CTIF: variants seen among roughly 807,000 people sequenced by gnomAD.
CTIF encodes the protein cap binding complex dependent translation initiation factor.
CTIF carries 21 observed loss-of-function variants against 66.0 expected under a neutral mutation model. The observed-to-expected ratio is 0.32, with a 90% CI of 0.23 to 0.46. The LOEUF is 0.46. Among genes scored for constraint, CTIF ranks in the 20% least tolerant of loss-of-function variants. The pLI, the probability that CTIF is intolerant of heterozygous loss-of-function variation, is 1.00. For synonymous variants in CTIF, 345 were observed against 326.4 expected (o/e 1.06, Z -0.62); for missense variants, 739 against 812.7 (o/e 0.91, Z 1.10).
At chr18:48,831,565 G>A (rs541009830) in intron 10 of CTIF, among the ~76,000 whole-genome samples, 3 of 152,286 alleles carry the variant, frequency 2.0e-5, no homozygotes, top group Admixed American at 2.0e-4. Context: ...GGAGTGGGTG[G>A]GAAAGGACAC....
At chr18:48,793,423 T>C (rs922364661) in intron 9 of CTIF, among the ~76,000 whole-genome samples, 4 of 152,214 alleles carry the variant, frequency 2.6e-5, no homozygotes, top group African/African-American at 9.7e-5. Context: ...TCCCTGTGGC[T>C]TTATATAACT....
intron 3 of CTIF, among the ~76,000 whole-genome samples, chr18:48,642,893 C>G (rs1404808348): frequency 1.3e-5 from 2 of 152,168 alleles, no homozygotes; most frequent in South Asian, 4.1e-4. Flanking sequence ...GTTCAGTGCT[C>G]CAGCCTAGAT....
intron 10 of CTIF, among the ~76,000 whole-genome samples, chr18:48,838,501 C>G (rs192807872): frequency 2.6e-5 from 4 of 152,292 alleles, no homozygotes; most frequent in Admixed American, 2.6e-4. Flanking sequence ...TGTCCGCCCC[C>G]CTGAAACGAG....
chr18:48,586,778 G>A (rs1599191016), intron 1 of CTIF, among the ~76,000 whole-genome samples: 1 of 152,024 alleles, frequency 6.6e-6, no homozygotes, highest in Non-Finnish European at 1.5e-5. Flanking sequence ...TACCTCCTTA[G>A]TTTCCAGTTT....
chr18:48,723,186 G>A (rs2092356473), intron 7 of CTIF, among the ~76,000 whole-genome samples: 3 of 152,122 alleles, frequency 2.0e-5, no homozygotes, highest in Admixed American at 2.0e-4. Context: ...CGTCTGCTGG[G>A]CCCCTCCCTG....
At chr18:48,750,913 T>C (rs1907746514) in intron 7 of CTIF, among the ~76,000 whole-genome samples, 1 of 152,252 alleles carries the variant, frequency 6.6e-6, no homozygotes. Context: ...GTGTGGTGGC[T>C]GAGGGCACAC....
intron 6 of CTIF, among the ~76,000 whole-genome samples, chr18:48,693,724 C>T (rs140248961): frequency 1.3e-5 from 2 of 152,264 alleles, no homozygotes; most frequent in East Asian, 1.9e-4. Flanking sequence ...AAGGGTCTAT[C>T]GGCCATGATC....
intron 3 of CTIF, among the ~76,000 whole-genome samples, chr18:48,648,300 T>C (rs1160714768): frequency 6.6e-6 from 1 of 152,088 alleles, no homozygotes; most frequent in East Asian, 1.9e-4. Flanking sequence ...CAGACACAGA[T>C]GTCCCAGCAT....
intron 10 of CTIF, among the ~76,000 whole-genome samples, chr18:48,836,550 C>T (rs2068814717): frequency 6.6e-6 from 1 of 152,190 alleles, no homozygotes; most frequent in Non-Finnish European, 1.5e-5. Flanking sequence ...CCAACCAACC[C>T]CATCACTTCA....
In CTIF at chr18:48,734,687, T is replaced by C. The variant is rs141349088; in HGVS notation, c.584+22992T>C. Among the ~76,000 whole-genome samples the C allele has an allele frequency of 5.2e-3, 797 of 152,300 alleles. 3 individuals are homozygous for C. The highest frequency in any genetic ancestry group is 0.018 in the African/African-American group (754 of 41,560). On this transcript the variant is annotated intron_variant, in intron 7 of 11. Transcript: ENST00000256413. The stretch of plus-strand genomic sequence containing the variant: ...GAAGACTTCCAAGAGGCTGAATCAC[T>C]TTGCAGTGTTGACCTCACCCACCTC...
intron 3 of CTIF, among the ~76,000 whole-genome samples, chr18:48,654,091 A>C (rs918572054): frequency 6.6e-6 from 1 of 152,248 alleles, no homozygotes; most frequent in Non-Finnish European, 1.5e-5. Context: ...CTAAAACACC[A>C]AAAGTGATGG....
At chr18:48,710,781 G>A (rs1157252834) in intron 6 of CTIF, among the ~76,000 whole-genome samples, 1 of 152,134 alleles carries the variant, frequency 6.6e-6, no homozygotes, top group African/African-American at 2.4e-5. Flanking sequence ...AAAGGAGCCT[G>A]GGCAACAAAG....
rs2069419081 is a variant in CTIF, at chr18:48,859,763, A to G, written c.*204A>G. On this transcript the variant is annotated 3_prime_UTR_variant, in exon 12 of 12. Transcript: ENST00000256413. The stretch of plus-strand genomic sequence containing the variant: ...GCCCCCGCACAAGCCCCCCAGCCCG[A>G]GCATGCAAGCTCACACCAATAAGGG... 1.4e-6 allele frequency: 1 copy of G among 698,004 alleles called. No homozygotes were observed. The highest frequency in any genetic ancestry group is 2.6e-6 in the Non-Finnish European group (1 of 382,552). The allele number at this position is 698,004 out of a possible 1,614,324, so 43.2% of individuals were successfully genotyped here.
intron 6 of CTIF, among the ~76,000 whole-genome samples, chr18:48,678,983 TTGTGCCACAGCCACTTGC>T (rs1385785845): frequency 6.6e-6 from 1 of 152,246 alleles, no homozygotes; most frequent in African/African-American, 2.4e-5. Context: ...GTGACTGCAT[TTGTGCCACAGCCACTTGC>T]TGTGTGGACC....
intron 9 of CTIF, among the ~76,000 whole-genome samples, chr18:48,794,669 A>G (rs754842516): frequency 6.6e-6 from 1 of 152,172 alleles, no homozygotes; most frequent in East Asian, 1.9e-4. Flanking sequence ...ACCACCCAGG[A>G]TGATTGAAGG....
Position 48,568,529 on chromosome 18 carries a change from C to T in CTIF, c.-29+29217C>T, listed in dbSNP as rs531440479. On this transcript the variant is annotated intron_variant, in intron 1 of 11. Transcript: ENST00000256413. ...CTTAAACAATGAACATTTATTTTCT[C>T]ATAATTCTGGAAGTTGGATGTCCAA... Among the ~76,000 whole-genome samples the T allele has an allele frequency of 3.4e-5, 5 of 146,896 alleles. No individual in the cohort carries two copies. In the South Asian group the frequency reaches 8.6e-4, roughly 25 times the overall value.
intron 9 of CTIF, among the ~76,000 whole-genome samples, chr18:48,781,507 C>T (rs1015261153): frequency 6.6e-6 from 1 of 152,130 alleles, no homozygotes; most frequent in Non-Finnish European, 1.5e-5. Flanking sequence ...GATAACAGCC[C>T]GTTCTCTGTG....
At chr18:48,652,002 C>T (rs1394339317) in intron 3 of CTIF, among the ~76,000 whole-genome samples, 1 of 152,138 alleles carries the variant, frequency 6.6e-6, no homozygotes, top group African/African-American at 2.4e-5. Context: ...TAAATGCCCA[C>T]AAGAGAAAGC....
At position 48,664,311 on chromosome 18, in the gene CTIF, G is replaced by A. The variant is rs2091397284; in HGVS notation, c.327-136G>A. On this transcript the variant is annotated intron_variant, in intron 4 of 11. Transcript: ENST00000256413. ...GGTGGCACCTGGGGCTCCATTCTGAGTGGGGCTCCCCGCCTGGCCCCTGGC... is the reference window on the plus strand; with the variant it reads ...GGTGGCACCTGGGGCTCCATTCTGAATGGGGCTCCCCGCCTGGCCCCTGGC... 3 of 737,712 alleles carry A rather than the reference G, an allele frequency of 4.1e-6. No homozygotes were observed. In the South Asian group the frequency reaches 4.8e-5, roughly 12 times the overall value. 45.7% of individuals were successfully genotyped at this position (737,712 alleles called of 1,614,324 possible).
Sources: gnomAD v4.1 joint callset for allele counts (sites outside exome capture counted in the v4.1 genomes callset) on GRCh38, gnomAD v4.1.1 for gene constraint, MANE v1.5 for transcripts, NCBI Gene and HGNC (gene_info 2026-07-23, HGNC 2026-07-21) for gene names.